SHC1: variants seen among roughly 807,000 people sequenced by gnomAD.
The protein encoded by SHC1 is SHC-transforming protein 1.
In SHC1, 30 loss-of-function variants were observed where a neutral mutation model predicts 55.9. That is an observed-to-expected ratio of 0.54 (90% CI 0.40 to 0.73). The LOEUF is 0.73. Ranked by LOEUF, SHC1 falls within the 30% of genes least tolerant of loss-of-function variation. The pLI is 0.00. For missense variants in SHC1, 675 were observed against 777.1 expected (o/e 0.87, Z 1.56); for synonymous variants, 309 against 306.1 (o/e 1.01, Z -0.10).
rs1168183218 is a variant in SHC1 at position 154,967,984 on chromosome 1, C to T, written c.852G>A (p.Gln284=). Residue 284 remains glutamine, a synonymous_variant, in exon 6 of 12, where the codon CAG becomes CAA. Coordinates refer to ENST00000448116, the MANE Select transcript of SHC1 (RefSeq NM_001130040.2). ...VAYVAKDPVN[Q]RACHILECPE... ...GTGCTCCCCACCATGCCTCACCTCT[C>T]TGATTCACAGGGTCTTTGGCAACAT... The T allele has an allele frequency of 6.2e-7, 1 of 1,614,180 alleles. No individual in the cohort carries two copies. Among genetic ancestry groups the T allele is most frequent in the Admixed American group, 1.7e-5 (1 of 60,014 alleles).
At chr1:154,965,349 T>C (rs1655809724) in intron 11 of SHC1, 194 bp downstream of exon 11, 2 of 1,558,888 alleles carry the variant, frequency 1.3e-6, no homozygotes, top group Non-Finnish European at 1.7e-6. Context: ...GTGCCAGGAC[T>C]ATAAAGAACA....
In SHC1 at chr1:154,967,678, G is replaced by T; in HGVS notation, c.976C>A (p.His326Asn). The change falls in exon 7 of 12, where the codon CAT (histidine) becomes AAT (asparagine). Residue 326 changes from histidine (H) to asparagine (N), a missense_variant. Physicochemically the swap from His to Asn is moderately conservative, Grantham distance 68. Around this residue, in one of 3 missense-constraint regions of SHC1, gnomAD observed 360 missense variants for 371.1 expected, o/e 0.97. Coordinates refer to ENST00000448116, the MANE Select transcript of SHC1 (RefSeq NM_001130040.2). ...CTCTCCCCACCTGCTCACCTGTCAT[G>T]AGGGGTGACCAGTTTGGGTGGGTTC... ...LRNPPKLVTPHDRMAGFDGSA... is the reference protein window; with the variant it reads ...LRNPPKLVTPNDRMAGFDGSA... 1.9e-6 allele frequency: 3 copies of T among 1,613,508 alleles called. No individual in the cohort carries two copies. In the South Asian group the frequency reaches 3.3e-5, roughly 18 times the overall value.
Position 154,963,813 on chromosome 1 carries a change from C to T in SHC1, c.1745G>A (p.Arg582Gln), listed in dbSNP as rs780518716. ...GAGCGCTAGGGCAGATCACAGTTTC[C>T]GCTCCACAGGTTGCTGTAGACACAG... ...SELCLQQPVE[R>Q]KL Residue 582 changes from arginine to glutamine, a missense_variant, in exon 12 of 12, where the codon CGG becomes CAG. By Grantham distance (43) the Arg-to-Gln change is conservative. Coordinates refer to ENST00000448116, the MANE Select transcript of SHC1 (RefSeq NM_001130040.2). 6.8e-6 allele frequency: 11 copies of T among 1,613,780 alleles called. No individual in the cohort carries two copies. Among genetic ancestry groups the T allele is most frequent in the Admixed American group, 1.7e-5 (1 of 60,008 alleles).
At chr1:154,974,238 C>T (rs1301955498), upstream of SHC1, 1 of 180,056 alleles carries the variant, frequency 5.6e-6, no homozygotes, top group Non-Finnish European at 1.2e-5. Context: ...AGAAAAAAGT[C>T]AAGACTCACC....
Position 154,963,103 on chromosome 1 carries a change from C to A in SHC1, c.*700G>T, listed in dbSNP as rs1202066828. On this transcript the variant is annotated 3_prime_UTR_variant, in exon 12 of 12. Transcript: ENST00000448116. Reference sequence around the variant, plus strand: ...ATACAGACCCCTTGGGGTGAGGGGCCCCGGCCAGGAGGCACTGAGCAAGGG... The same window carrying A: ...ATACAGACCCCTTGGGGTGAGGGGCACCGGCCAGGAGGCACTGAGCAAGGG... 6.5e-6 allele frequency: 1 copy of A among 153,000 alleles called. No homozygotes were observed. Among genetic ancestry groups the A allele is most frequent in the Non-Finnish European group, 1.5e-5 (1 of 68,302 alleles). The allele number at this position is 153,000 out of a possible 1,614,324, so 9.5% of individuals were successfully genotyped here. A position where few individuals can be genotyped will look rare whatever the true frequency, so the allele number is the denominator to read the frequency against.
intron 11 of SHC1, 96 bp downstream of exon 11, chr1:154,965,447 A>T: frequency 6.2e-7 from 1 of 1,612,586 alleles, no homozygotes; most frequent in Non-Finnish European, 8.5e-7. Context: ...CCCAGCGGGA[A>T]TGTCTACAAA....
chr1:154,972,064 A>G (rs928059402), upstream of SHC1, among the ~76,000 whole-genome samples: 1 of 152,164 alleles, frequency 6.6e-6, no homozygotes, highest in African/African-American at 2.4e-5. Flanking sequence ...CCTGGTCAAC[A>G]TGGTGAAACC....
At chr1:154,972,001 A>G (rs576432403), upstream of SHC1, among the ~76,000 whole-genome samples, 5 of 151,998 alleles carry the variant, frequency 3.3e-5, no homozygotes, top group South Asian at 1.0e-3. Flanking sequence ...TGATACCAGC[A>G]CTTTGGGAGG....
intron 2 of SHC1, 149 bp downstream of exon 2, chr1:154,969,229 C>A: frequency 1.5e-6 from 1 of 652,410 alleles, no homozygotes. Flanking sequence ...CAGTAAGAGG[C>A]GGAATCACTA....
chr1:154,968,698 T>A, intron 3 of SHC1, 73 bp downstream of exon 3: 1 of 1,608,742 alleles, frequency 6.2e-7, no homozygotes, highest in Non-Finnish European at 8.5e-7. Flanking sequence ...TCTCCCCACA[T>A]GCCCCACACT....
Position 154,968,626 on chromosome 1 carries a change from C to T in SHC1, c.631-12G>A. On this transcript the variant is annotated splice_polypyrimidine_tract_variant and intron_variant, in intron 3 of 11. Coordinates refer to ENST00000448116, the MANE Select transcript of SHC1 (RefSeq NM_001130040.2). ...GGGCGGCTACAGGGCTAAGGTAGGG[C>T]CCAGGGTCTCAGAAGGTGAGGGTTC... 4 of 1,613,976 alleles carry T rather than the reference C, an allele frequency of 2.5e-6. No individual in the cohort carries two copies. The highest frequency in any genetic ancestry group is 3.4e-6 in the Non-Finnish European group (4 of 1,179,942).
chr1:154,969,589 C>A, intron 1 of SHC1, 141 bp from the exon 2 acceptor site: 1 of 639,882 alleles, frequency 1.6e-6, no homozygotes. Context: ...GGCTACATCC[C>A]ACAACCAAGG....
chr1:154,973,137 G>A (rs1052309826), upstream of SHC1, among the ~76,000 whole-genome samples: 1 of 152,042 alleles, frequency 6.6e-6, no homozygotes, highest in Non-Finnish European at 1.5e-5. Context: ...GGAGTCTGAG[G>A]GCAAGTCTCT....
At position 154,970,436 on chromosome 1, in the gene SHC1, G is replaced by C. The variant is rs567732398; in HGVS notation, c.91C>G (p.Pro31Ala). 5.0e-6 allele frequency: 8 copies of C among 1,610,400 alleles called. No homozygotes were observed. Among genetic ancestry groups the C allele is most frequent in the East Asian group, 2.2e-5 (1 of 44,872 alleles). The stretch of plus-strand genomic sequence containing the variant: ...GCTGATGGGGAAGGCAGCTCCTCCG[G>C]GGGGGTGGACCCAGAAGCCCCTTCC... ...LEEGASGSTP[P>A]EELPSPSASS... Residue 31 changes from proline to alanine, a missense_variant, in exon 1 of 12, where the codon CCG (proline) becomes GCG (alanine). Around this residue, in one of 3 missense-constraint regions of SHC1, gnomAD observed 156 missense variants for 159.1 expected, o/e 0.98. Coordinates refer to ENST00000448116, the MANE Select transcript of SHC1 (RefSeq NM_001130040.2). This position sits in a 1 kb window ranked among gnomAD's most constrained non-coding sequence, Gnocchi z 5.5.
Position 154,967,708 on chromosome 1 carries a change from GGTA to G in SHC1, c.943_945del (p.Tyr315del), listed in dbSNP as rs763125269. 2 of 1,613,938 alleles carry G rather than the reference GGTA, an allele frequency of 1.2e-6. No individual in the cohort carries two copies. Among genetic ancestry groups the G allele is most frequent in the Admixed American group, 3.3e-5 (2 of 60,010 alleles). ...GTGACCAGTTTGGGTGGGTTCCTGA[GGTA>G]TTGTTTGAAGCGCAACTCGAAGGCC... On this transcript the variant is annotated inframe_deletion, in exon 7 of 12. Coordinates refer to ENST00000448116, the MANE Select transcript of SHC1 (RefSeq NM_001130040.2).
In SHC1 at chr1:154,969,414, C is replaced by T; in HGVS notation, c.530G>A (p.Arg177His). The T allele has an allele frequency of 1.2e-6, 2 of 1,612,492 alleles. No individual in the cohort carries two copies. Among genetic ancestry groups the T allele is most frequent in the South Asian group, 1.1e-5 (1 of 90,724 alleles). Residue 177 changes from arginine (R) to histidine (H), a missense_variant, in exon 2 of 12, where the codon CGT (arginine) becomes CAT (histidine). By Grantham distance (29) the Arg-to-His change is conservative. Coordinates refer to ENST00000448116, the MANE Select transcript of SHC1 (RefSeq NM_001130040.2). Reference sequence around the variant, plus strand: ...AGTCCGGGTGTTGAAGTCCAGGGCACGCATTGACTGGAGGACCTCCACACA... The same window carrying T: ...AGTCCGGGTGTTGAAGTCCAGGGCATGCATTGACTGGAGGACCTCCACACA... Reference protein sequence around the residue: ...MGCVEVLQSMRALDFNTRTQV... With the variant: ...MGCVEVLQSMHALDFNTRTQV...
chr1:154,969,729 A>G (rs1268405323), intron 1 of SHC1, among the ~76,000 whole-genome samples: 1 of 151,694 alleles, frequency 6.6e-6, no homozygotes, highest in African/African-American at 2.4e-5. Context: ...AAGCGGGAGG[A>G]GAATGGAGGA....
chr1:154,967,605 G>C, intron 7 of SHC1, 66 bp downstream of exon 7: 1 of 1,557,838 alleles, frequency 6.4e-7, no homozygotes, highest in East Asian at 2.3e-5. Context: ...CTCAAGTGTA[G>C]GAAGAGCAGC....
At position 154,968,778 on chromosome 1, in the gene SHC1, C is replaced by T. The variant is rs780155414; in HGVS notation, c.623G>A (p.Arg208Lys). The change falls in exon 3 of 12, where the codon AGG becomes AAG. Residue 208 changes from arginine (R) to lysine (K), a missense_variant. Physicochemically the swap from Arg to Lys is conservative, Grantham distance 26. Transcript: ENST00000448116. ...CCCAAGGACCCCAAGTACCTTTCTCCTCCTTGTCGCCCCCTTAGCACCCGG... is the reference window on the plus strand; with the variant it reads ...CCCAAGGACCCCAAGTACCTTTCTCTTCCTTGTCGCCCCCTTAGCACCCGG... Reference protein sequence around the residue: ...AVPGAKGATRRRKPCSRPLSS... With the variant: ...AVPGAKGATRKRKPCSRPLSS... 1.9e-6 allele frequency: 3 copies of T among 1,613,868 alleles called. No individual in the cohort carries two copies. Among genetic ancestry groups the T allele is most frequent in the East Asian group, 2.2e-5 (1 of 44,872 alleles).
Sources: allele counts gnomAD v4.1 joint callset (sites outside exome capture counted in the v4.1 genomes callset), GRCh38; gene constraint gnomAD v4.1.1; regional missense constraint gnomAD v4.1.1; non-coding constraint Gnocchi (gnomAD v3.1); transcripts MANE v1.5; gene names NCBI Gene and HGNC (gene_info 2026-07-23, HGNC 2026-07-21).